The following PDE1A variants were observed in gnomAD, a reference collection of about 807,000 sequenced individuals.
The protein encoded by PDE1A is phosphodiesterase 1A.
Under a neutral mutation model 61.7 loss-of-function variants are expected in PDE1A, and 35 were observed. The observed-to-expected ratio is 0.57, with a 90% CI of 0.43 to 0.75. The LOEUF (loss-of-function observed/expected upper bound fraction) is 0.75, where lower values mean the gene tolerates loss of function less well. PDE1A is among the 30% of genes least tolerant of loss of function. The pLI is 0.00. For missense variants in PDE1A, 597 were observed against 630.6 expected (o/e 0.95, Z 0.57); for synonymous variants, 232 against 213.2 (o/e 1.09, Z -0.77).
At chr2:182,420,945 G>T (rs1401781309) in intron 1 of PDE1A, among the ~76,000 whole-genome samples, 1 of 152,078 alleles carries the variant, frequency 6.6e-6, no homozygotes, top group African/African-American at 2.4e-5. Flanking sequence ...TTTCCCATGA[G>T]AACTAACTGT....
chr2:182,440,083 A>G lies in PDE1A; in HGVS notation c.101+82193T>C, dbSNP rs1684691377. Among the ~76,000 whole-genome samples, 3 of 152,108 alleles carry G rather than the reference A, an allele frequency of 2.0e-5. 1 individual carries two copies. The highest frequency in any genetic ancestry group is 2.1e-4 in the South Asian group (1 of 4,828). Reference sequence around the variant, plus strand: ...GGGTGACACTGCTGTCCCAGAGCATATAATTTAAGCAAACACAGATTATCT... The same window carrying G: ...GGGTGACACTGCTGTCCCAGAGCATGTAATTTAAGCAAACACAGATTATCT... On this transcript the variant is annotated intron_variant, in intron 2 of 14. Coordinates refer to the PDE1A transcript ENST00000410103.
At chr2:182,207,785 T>C (rs879732415) in intron 7 of PDE1A, among the ~76,000 whole-genome samples, 3 of 152,228 alleles carry the variant, frequency 2.0e-5, no homozygotes, top group Admixed American at 2.0e-4. Context: ...AATGGATTCA[T>C]GGGCCAGGCC....
chr2:182,689,728 A>G, the PDE1A span, among the ~76,000 whole-genome samples: 12 of 152,340 alleles, frequency 7.9e-5, no homozygotes, highest in Admixed American at 5.2e-4. Flanking sequence ...CAAAAAATCA[A>G]TGAATCCAGT....
At chr2:182,592,743 T>G in the PDE1A span, among the ~76,000 whole-genome samples, 2 of 152,064 alleles carry the variant, frequency 1.3e-5, no homozygotes, top group Non-Finnish European at 2.9e-5. Flanking sequence ...TGGCAGAGGT[T>G]TTATGCCTGA....
the PDE1A span, among the ~76,000 whole-genome samples, chr2:182,530,880 C>T: frequency 2.4e-5 from 3 of 126,756 alleles, no homozygotes; most frequent in Admixed American, 9.0e-5. Context: ...CATAGCCTTT[C>T]TTCATCCTCT....
chr2:182,180,527 T>C (rs997783527), intron 13 of PDE1A, among the ~76,000 whole-genome samples: 4 of 152,166 alleles, frequency 2.6e-5, no homozygotes, highest in Non-Finnish European at 4.4e-5. Context: ...ATTTTTTCCT[T>C]TGTTTCAACC....
chr2:182,262,116 T>TAAC (rs397953617), intron 2 of PDE1A, among the ~76,000 whole-genome samples: 1 of 151,658 alleles, frequency 6.6e-6, no homozygotes, highest in Non-Finnish European at 1.5e-5. Flanking sequence ...AAGAAAATAA[T>TAAC]TTCTTTCTTT....
Position 182,479,413 on chromosome 2 carries a change from CTAATT to C in PDE1A, c.101+42858_101+42862del, listed in dbSNP as rs372277511. ...CAAGTTATGTTGAAATGTGAAAGCT[CTAATT>C]TAACCCCTAATTAACAGAATCATTG... On this transcript the variant is annotated intron_variant, in intron 2 of 14. Coordinates refer to the PDE1A transcript ENST00000410103. Among the ~76,000 whole-genome samples, 193 of 151,888 alleles carry C rather than the reference CTAATT, an allele frequency of 1.3e-3. 1 individual carries two copies. Among genetic ancestry groups the C allele is most frequent in the African/African-American group, 4.4e-3 (183 of 41,490 alleles).
At chr2:182,650,714 AC>A in the PDE1A span, among the ~76,000 whole-genome samples, 2 of 152,170 alleles carry the variant, frequency 1.3e-5, no homozygotes, top group African/African-American at 4.8e-5. Flanking sequence ...TGTAACTCTA[AC>A]TTTTTTAACG....
chr2:182,711,564 G>A, the PDE1A span, among the ~76,000 whole-genome samples: 9 of 151,370 alleles, frequency 5.9e-5, no homozygotes, highest in Non-Finnish European at 1.3e-4. Flanking sequence ...CCCAGATTAT[G>A]ATGAATGCCT....
At chr2:182,435,151 T>TCAA (rs1281240255) in intron 2 of PDE1A, among the ~76,000 whole-genome samples, 1 of 151,946 alleles carries the variant, frequency 6.6e-6, no homozygotes, top group African/African-American at 2.4e-5. Context: ...GAAAACATCA[T>TCAA]CAACAACAAC....
chr2:182,467,406 G>A (rs915939360), intron 2 of PDE1A, among the ~76,000 whole-genome samples: 5 of 151,908 alleles, frequency 3.3e-5, no homozygotes, highest in Non-Finnish European at 5.9e-5. Context: ...ATTTCAGTTT[G>A]TAATTAAAAC....
the PDE1A span, among the ~76,000 whole-genome samples, chr2:182,613,542 G>A: frequency 7.5e-5 from 11 of 147,228 alleles, no homozygotes; most frequent in East Asian, 4.0e-4. Flanking sequence ...CAGCCTGGGC[G>A]ACAGAGTGAG....
chr2:182,173,528 G>A (rs1692434623), intron 13 of PDE1A, among the ~76,000 whole-genome samples: 1 of 150,762 alleles, frequency 6.6e-6, no homozygotes, highest in African/African-American at 2.4e-5. Flanking sequence ...AGGTTAAATT[G>A]GAAATAGGAA....
At chr2:182,212,434 C>T (rs1215890721) in intron 7 of PDE1A, among the ~76,000 whole-genome samples, 1 of 152,170 alleles carries the variant, frequency 6.6e-6, no homozygotes, top group Non-Finnish European at 1.5e-5. Flanking sequence ...AGAATAGGAA[C>T]AGCTCCGGTC....
the PDE1A span, among the ~76,000 whole-genome samples, chr2:182,688,135 C>T: frequency 6.6e-6 from 1 of 152,128 alleles, no homozygotes; most frequent in Non-Finnish European, 1.5e-5. Flanking sequence ...CTTCCCCAAC[C>T]TAGCAAGGCA....
chr2:182,619,956 TA>T, the PDE1A span, among the ~76,000 whole-genome samples: 1 of 152,122 alleles, frequency 6.6e-6, no homozygotes, highest in African/African-American at 2.4e-5. Flanking sequence ...AGTTTTTTTT[TA>T]AGGCATCAAA....
chr2:182,564,507 T>C, the PDE1A span, among the ~76,000 whole-genome samples: 16 of 152,322 alleles, frequency 1.1e-4, no homozygotes, highest in South Asian at 3.1e-3. Context: ...TCATTTCAAC[T>C]TTGGTGACTC....
intron 1 of PDE1A, among the ~76,000 whole-genome samples, chr2:182,387,462 GAA>G (rs1471379130): frequency 6.6e-6 from 1 of 151,698 alleles, no homozygotes; most frequent in Non-Finnish European, 1.5e-5. Flanking sequence ...AAAGAAGAAA[GAA>G]AGAGAGAGAG....
Sources: allele counts gnomAD v4.1 joint callset (sites outside exome capture counted in the v4.1 genomes callset), GRCh38; gene constraint gnomAD v4.1.1; transcripts MANE v1.5; gene names NCBI Gene and HGNC (gene_info 2026-07-23, HGNC 2026-07-21).